SNX4: variants seen among roughly 807,000 people sequenced by gnomAD.
The protein encoded by SNX4 is sorting nexin 4, also known as sorting nexin-4.
A neutral mutation model predicts 70.8 loss-of-function variants in SNX4; 49 were observed. The ratio of observed to expected loss-of-function variants is 0.69; its 90% CI spans 0.55 to 0.88. SNX4 has a LOEUF of 0.88. Ranked by LOEUF, SNX4 falls within the 40% of genes least tolerant of loss-of-function variation. SNX4 has a pLI of 0.00. For synonymous variants in SNX4, 206 were observed against 183.8 expected (o/e 1.12, Z -0.98); for missense variants, 528 against 544.8 (o/e 0.97, Z 0.31).
chr3:125,497,988 G>C lies in SNX4; in HGVS notation c.400-5C>G. 2 of 1,614,014 alleles carry C rather than the reference G, an allele frequency of 1.2e-6. No individual in the cohort carries two copies. Among genetic ancestry groups the C allele is most frequent in the East Asian group, 4.5e-5 (2 of 44,874 alleles). ...TTTATGCCAAACAAATTCTGCCTAG[G>C]TAAACAAAATAATCATTAAGAATAG... On this transcript the variant is annotated splice_polypyrimidine_tract_variant and splice_region_variant and intron_variant, in intron 3 of 13. Coordinates refer to ENST00000251775, the MANE Select transcript of SNX4 (RefSeq NM_003794.4).
intron 1 of SNX4, among the ~76,000 whole-genome samples, chr3:125,508,449 C>A: frequency 7.3e-6 from 1 of 136,882 alleles, no homozygotes; most frequent in East Asian, 2.3e-4. Context: ...CGCCTGTAGT[C>A]CCAACCACTC....
intron 12 of SNX4, 47 bp downstream of exon 12, chr3:125,453,763 C>T: frequency 1.3e-6 from 2 of 1,559,714 alleles, no homozygotes; most frequent in Non-Finnish European, 8.7e-7. Context: ...AATAATCTAC[C>T]ATATAGTCTA....
chr3:125,515,562 G>A (rs1198817303), intron 1 of SNX4, among the ~76,000 whole-genome samples: 5 of 151,266 alleles, frequency 3.3e-5, no homozygotes, highest in Non-Finnish European at 5.9e-5. Context: ...CTACTCCAGA[G>A]GCTGAGGTGG....
intron 1 of SNX4, 121 bp from the exon 2 acceptor site, chr3:125,504,865 T>A: frequency 8.7e-7 from 1 of 1,147,732 alleles, no homozygotes; most frequent in Non-Finnish European, 1.2e-6. Context: ...TAGTTACTTA[T>A]AGTTCTTGAG....
chr3:125,506,152 C>T lies in SNX4; in HGVS notation c.142-1408G>A, dbSNP rs76542467. On this transcript the variant is annotated intron_variant, in intron 1 of 13. Coordinates refer to ENST00000251775, the MANE Select transcript of SNX4 (RefSeq NM_003794.4). ...CAACCCCCAGGGTAGGAGAAGAATT[C>T]GATGTCCAGAGTTACCACATTATTA... 8.5e-3 allele frequency among the ~76,000 whole-genome samples: 1,296 copies of T among 152,032 alleles called. 21 individuals carry two copies. Among genetic ancestry groups the T allele is most frequent in the African/African-American group, 0.028 (1,180 of 41,438 alleles).
intron 10 of SNX4, among the ~76,000 whole-genome samples, chr3:125,459,312 A>G (rs1045432894): frequency 6.6e-6 from 1 of 152,238 alleles, no homozygotes; most frequent in African/African-American, 2.4e-5. Flanking sequence ...CAAATACCAT[A>G]TCCATGCACC....
intron 5 of SNX4, among the ~76,000 whole-genome samples, chr3:125,492,175 T>C (rs1430508362): frequency 1.3e-5 from 2 of 150,562 alleles, no homozygotes; most frequent in African/African-American, 4.9e-5. Flanking sequence ...AAGGTGGCCC[T>C]TGGACTGTAC....
At chr3:125,490,636 C>T (rs1283848558) in intron 5 of SNX4, among the ~76,000 whole-genome samples, 1 of 150,190 alleles carries the variant, frequency 6.7e-6, no homozygotes, top group Non-Finnish European at 1.5e-5. Context: ...TGTAAGACAA[C>T]ACAACTTTTT....
At chr3:125,502,917 GTTTT>G (rs1241603208) in intron 2 of SNX4, among the ~76,000 whole-genome samples, 2 of 89,524 alleles carry the variant, frequency 2.2e-5, no homozygotes, top group South Asian at 3.4e-4. Context: ...TGGTTTGGTA[GTTTT>G]TTTTTTTTTT....
chr3:125,469,447 TAC>T lies in SNX4; in HGVS notation c.854+5_854+6del. The T allele has an allele frequency of 6.2e-7, 1 of 1,607,722 alleles. No homozygotes were observed. The highest frequency in any genetic ancestry group is 8.5e-7 in the Non-Finnish European group (1 of 1,174,434). On this transcript the variant is annotated splice_donor_5th_base_variant and intron_variant, in intron 9 of 13. Coordinates refer to ENST00000251775, the MANE Select transcript of SNX4 (RefSeq NM_003794.4). ...TCAGGCTTCACAAAAGTTCTCGAGG[TAC>T]TTACACATCCATATGATGACCAGCA...
At chr3:125,486,888 A>AAT (rs556187348) in intron 6 of SNX4, among the ~76,000 whole-genome samples, 3 of 151,968 alleles carry the variant, frequency 2.0e-5, no homozygotes, top group East Asian at 1.9e-4. Context: ...GCATCTCAAA[A>AAT]ATATATATAT....
intron 11 of SNX4, among the ~76,000 whole-genome samples, chr3:125,455,319 C>T (rs1933683792): frequency 6.6e-6 from 1 of 152,112 alleles, no homozygotes; most frequent in South Asian, 2.1e-4. Context: ...TTAAAAATTA[C>T]TTTATGTTAT....
intron 11 of SNX4, 96 bp downstream of exon 11, chr3:125,457,170 A>G: frequency 2.4e-6 from 2 of 820,504 alleles, no homozygotes; most frequent in South Asian, 1.4e-5. Flanking sequence ...ACTGGAACTG[A>G]TTCTACAGGA....
intron 9 of SNX4, among the ~76,000 whole-genome samples, chr3:125,464,396 G>A: frequency 6.6e-6 from 1 of 150,490 alleles, no homozygotes; most frequent in East Asian, 1.9e-4. Context: ...TTACAATTAT[G>A]TGTATGAGCC....
At chr3:125,449,628 T>TA (rs1362481859) in intron 13 of SNX4, among the ~76,000 whole-genome samples, 1 of 152,204 alleles carries the variant, frequency 6.6e-6, no homozygotes, top group Non-Finnish European at 1.5e-5. Flanking sequence ...AAACTCTTAT[T>TA]AAACTTTTTG....
At chr3:125,517,057 C>G (rs974224390) in intron 1 of SNX4, 2 of 152,262 alleles carry the variant, frequency 1.3e-5, no homozygotes, top group South Asian at 4.1e-4. Flanking sequence ...TGTTTCCCCC[C>G]TTCTCACTAC....
chr3:125,451,200 C>T lies in SNX4; in HGVS notation c.1305+105G>A, dbSNP rs1933562688. ...AATAGAGAAATTGGTAAACATTCTA[C>T]AAGAGAAGAATAAAAATGAAAAATT... On this transcript the variant is annotated intron_variant, in intron 13 of 13. Transcript: ENST00000251775. 1.7e-5 allele frequency: 9 copies of T among 544,168 alleles called. No homozygotes were observed. In the South Asian group the frequency reaches 2.6e-4, roughly 16 times the overall value. 33.7% of individuals were successfully genotyped at this position (544,168 alleles called of 1,614,324 possible).
rs772800406 is a variant in SNX4, at chr3:125,457,305, T to G, written c.1005A>C (p.Leu335Phe). The part of the protein sequence containing the change: ...QYDLEMAAQD[L>F]ASKKQQCEEL... Reference sequence around the variant, plus strand: ...CCTCACACTGCTGCTTCTTGGATGCTAAGTCCTGAGCAGCCATCTCCAAGT... The same window carrying G: ...CCTCACACTGCTGCTTCTTGGATGCGAAGTCCTGAGCAGCCATCTCCAAGT... The change falls in exon 11 of 14, where the codon TTA becomes TTC. Residue 335 changes from leucine to phenylalanine, a missense_variant. Transcript: ENST00000251775. The G allele has an allele frequency of 6.2e-7, 1 of 1,614,048 alleles. No individual in the cohort carries two copies. Among genetic ancestry groups the G allele is most frequent in the South Asian group, 1.1e-5 (1 of 91,080 alleles).
At position 125,513,625 on chromosome 3, in the gene SNX4, C is replaced by T. The variant is rs80049728; in HGVS notation, c.141+6407G>A. ...ATCATCTGTATCCCACAACCCAGCA[C>T]TAACCACTGTTACTATAATGGTATA... On this transcript the variant is annotated intron_variant, in intron 1 of 13. Transcript: ENST00000251775. Among the ~76,000 whole-genome samples the T allele has an allele frequency of 2.4e-3, 363 of 152,306 alleles. 10 individuals are homozygous for T. In the East Asian group the frequency reaches 0.06, roughly 25 times the overall value.
Sources: gnomAD v4.1 joint callset for allele counts (sites outside exome capture counted in the v4.1 genomes callset) on GRCh38, gnomAD v4.1.1 for gene constraint, MANE v1.5 for transcripts, NCBI Gene and HGNC (gene_info 2026-07-23, HGNC 2026-07-21) for gene names.